The following MMD variants were observed in gnomAD, a reference collection of about 807,000 sequenced individuals.
The protein encoded by MMD is monocyte to macrophage differentiation factor.
Under a neutral mutation model 33.6 loss-of-function variants are expected in MMD, and 22 were observed. The ratio of observed to expected loss-of-function variants is 0.66; its 90% CI spans 0.47 to 0.94. The LOEUF (loss-of-function observed/expected upper bound fraction) is 0.94, where lower values mean the gene tolerates loss of function less well. Ranked by LOEUF, MMD falls within the 40% of genes least tolerant of loss-of-function variation. The probability of loss-of-function intolerance (pLI) is 0.00; values close to 1 mark genes in which losing one functional copy is unlikely to be tolerated. For synonymous variants in MMD, 97 were observed against 103.2 expected, an observed-to-expected ratio of 0.94 and a Z score of 0.36; for missense variants, 242 against 309.8, an observed-to-expected ratio of 0.78 and a Z score of 1.64.
At chr17:55,406,647 G>C (rs1301886595) in intron 4 of MMD, among the ~76,000 whole-genome samples, 2 of 152,066 alleles carry the variant, frequency 1.3e-5, no homozygotes, top group Non-Finnish European at 1.5e-5. Flanking sequence ...TTGGGAGGCA[G>C]AGGCGGGCAG....
At chr17:55,418,621 A>C (rs1207403363) in intron 1 of MMD, among the ~76,000 whole-genome samples, 3 of 152,200 alleles carry the variant, frequency 2.0e-5, no homozygotes, top group African/African-American at 7.2e-5. Context: ...GCTCCCCTTT[A>C]TGACTGAGCA....
chr17:55,420,560 G>A (rs1292556113), intron 1 of MMD: 2 of 152,184 alleles, frequency 1.3e-5, no homozygotes, highest in Non-Finnish European at 2.9e-5. Flanking sequence ...ATGGGTGAGA[G>A]GGCAGTGAGG....
chr17:55,418,077 G>A (rs1908039352), intron 1 of MMD, among the ~76,000 whole-genome samples: 1 of 152,142 alleles, frequency 6.6e-6, no homozygotes, highest in African/African-American at 2.4e-5. Context: ...TTCTGTCTAG[G>A]ATATTCTCCA....
At position 55,406,497 on chromosome 17, in the gene MMD, G is replaced by T. The variant is rs559509285; in HGVS notation, c.344+1249C>A. Among the ~76,000 whole-genome samples the T allele has an allele frequency of 5.3e-5, 8 of 152,242 alleles. No individual in the cohort carries two copies. In the South Asian group the frequency reaches 1.7e-3, roughly 32 times the overall value. ...AATCGCTTGAACCTGGGAGGTGGAG[G>T]TTGCATGAGCTGAGACCACGGGCCA... On this transcript the variant is annotated intron_variant, in intron 4 of 6. Transcript: ENST00000262065.
In MMD at chr17:55,394,546, GAA is replaced by G; in HGVS notation, c.517-14_517-13del. ...CCATCGGTGTTGTTCTGTCAACAGAGAAAAAAAAATAAAAAGGGTTTGATGTT... is the reference window on the plus strand; with the variant it reads ...CCATCGGTGTTGTTCTGTCAACAGAGAAAAAAATAAAAAGGGTTTGATGTT... On this transcript the variant is annotated splice_polypyrimidine_tract_variant and intron_variant, in intron 6 of 6. Coordinates refer to ENST00000262065, the MANE Select transcript of MMD (RefSeq NM_012329.3). 3 of 1,418,734 alleles carry G rather than the reference GAA, an allele frequency of 2.1e-6. No homozygotes were observed. Among genetic ancestry groups the G allele is most frequent in the South Asian group, 3.4e-5 (2 of 58,904 alleles). 87.9% of individuals were successfully genotyped at this position (1,418,734 alleles called of 1,614,324 possible). A position where few individuals can be genotyped will look rare whatever the true frequency, so the allele number is the denominator to read the frequency against.
chr17:55,409,378 T>C (rs945988037), intron 3 of MMD, among the ~76,000 whole-genome samples: 1 of 152,190 alleles, frequency 6.6e-6, no homozygotes, highest in Non-Finnish European at 1.5e-5. Context: ...GCCTTTCTAA[T>C]TCTGTTTTCT....
chr17:55,395,177 A>G (rs988535166), intron 6 of MMD, among the ~76,000 whole-genome samples: 1 of 152,236 alleles, frequency 6.6e-6, no homozygotes, highest in Non-Finnish European at 1.5e-5. Context: ...GCTTAGCAAT[A>G]AGTTAATATT....
At position 55,401,545 on chromosome 17, in the gene MMD, G is replaced by T. The variant is rs1033244905; in HGVS notation, c.447-7C>A. 1 of 1,599,414 alleles carries T rather than the reference G, an allele frequency of 6.3e-7. No homozygotes were observed. Among genetic ancestry groups the T allele is most frequent in the Non-Finnish European group, 8.5e-7 (1 of 1,172,824 alleles). On this transcript the variant is annotated splice_polypyrimidine_tract_variant and splice_region_variant and intron_variant, in intron 5 of 6. Coordinates refer to ENST00000262065, the MANE Select transcript of MMD (RefSeq NM_012329.3). Reference sequence around the variant, plus strand: ...GAGTTCAACCACCTTATATCTGCAGGAACAAAAATGCAGTTAATTTAACTT... The same window carrying T: ...GAGTTCAACCACCTTATATCTGCAGTAACAAAAATGCAGTTAATTTAACTT...
intron 6 of MMD, among the ~76,000 whole-genome samples, chr17:55,398,820 C>A (rs1907220211): frequency 6.6e-6 from 1 of 152,150 alleles, no homozygotes; most frequent in South Asian, 2.1e-4. Flanking sequence ...ATGTCCAGCA[C>A]CATCTCTGAA....
intron 2 of MMD, 84 bp downstream of exon 2, chr17:55,414,067 T>C (rs1330562073): frequency 7.7e-7 from 1 of 1,304,428 alleles, no homozygotes; most frequent in African/African-American, 1.5e-5. Context: ...CAACTAATTG[T>C]GCTGAGGTTA....
chr17:55,416,654 T>C (rs1334313019), intron 1 of MMD, among the ~76,000 whole-genome samples: 1 of 152,068 alleles, frequency 6.6e-6, no homozygotes, highest in African/African-American at 2.4e-5. Context: ...TCCTAAAACC[T>C]AAATGGAAAA....
At chr17:55,418,599 C>T (rs1908059790) in intron 1 of MMD, among the ~76,000 whole-genome samples, 1 of 152,212 alleles carries the variant, frequency 6.6e-6, no homozygotes, top group African/African-American at 2.4e-5. Flanking sequence ...AAGTGGACCC[C>T]TCTTACTATT....
chr17:55,417,632 A>AC (rs1233877986), intron 1 of MMD, among the ~76,000 whole-genome samples: 1 of 151,794 alleles, frequency 6.6e-6, no homozygotes, highest in Non-Finnish European at 1.5e-5. Flanking sequence ...CTCTACACAC[A>AC]AAAAAAAATG....
intron 6 of MMD, among the ~76,000 whole-genome samples, chr17:55,397,050 T>G (rs920738125): frequency 6.6e-6 from 1 of 152,248 alleles, no homozygotes; most frequent in Non-Finnish European, 1.5e-5. Context: ...ATTGTTACCA[T>G]GTACTTTACT....
chr17:55,407,475 G>A (rs1236689501), intron 4 of MMD, among the ~76,000 whole-genome samples: 1 of 152,128 alleles, frequency 6.6e-6, no homozygotes, highest in Non-Finnish European at 1.5e-5. Flanking sequence ...TCAAGAGTGA[G>A]CAAGCTATCT....
At chr17:55,409,401 G>A (rs796496303) in intron 3 of MMD, among the ~76,000 whole-genome samples, 9 of 152,274 alleles carry the variant, frequency 5.9e-5, no homozygotes, top group Admixed American at 2.6e-4. Context: ...ATTGTCATAC[G>A]CTGTTAGAGT....
At position 55,411,117 on chromosome 17, in the gene MMD, AT is replaced by A. The variant is rs1165335034; in HGVS notation, c.269+139del. 6 of 925,712 alleles carry A rather than the reference AT, an allele frequency of 6.5e-6. No individual in the cohort carries two copies. The African/African-American group carries it at 1.0e-4, about 16-fold the overall frequency. 57.3% of individuals were successfully genotyped at this position (925,712 alleles called of 1,614,324 possible). ...CAGTCCAAAGAACAAGTCCTGAATA[AT>A]GGGATAGTATTCTAGTCTACAAGGC... is the stretch of plus-strand genomic sequence containing the variant. On this transcript the variant is annotated intron_variant, in intron 3 of 6. Transcript: ENST00000262065.
At chr17:55,402,766 A>ATTCC (rs1007976470) in intron 5 of MMD, among the ~76,000 whole-genome samples, 17 of 152,346 alleles carry the variant, frequency 1.1e-4, no homozygotes, top group African/African-American at 4.1e-4. Context: ...GAAGCAAACC[A>ATTCC]TTCCCTTGGA....
intron 6 of MMD, 111 bp downstream of exon 6, chr17:55,401,358 T>C: frequency 1.1e-6 from 1 of 900,924 alleles, no homozygotes; most frequent in Non-Finnish European, 1.6e-6. Context: ...CTTTTGAGCC[T>C]CTATTTAATG....
Sources: allele counts gnomAD v4.1 joint callset (sites outside exome capture counted in the v4.1 genomes callset), GRCh38; gene constraint gnomAD v4.1.1; transcripts MANE v1.5; gene names NCBI Gene and HGNC (gene_info 2026-07-23, HGNC 2026-07-21).